Variants in HNRNPUL1 observed in about 807,000 individuals in gnomAD.
HNRNPUL1 encodes heterogeneous nuclear ribonucleoprotein U like 1.
In HNRNPUL1, 14 loss-of-function variants were observed where a neutral mutation model predicts 108.5. That is an observed-to-expected ratio of 0.13 (90% CI 0.09 to 0.20). The LOEUF (loss-of-function observed/expected upper bound fraction) is 0.20. Among genes scored for constraint, HNRNPUL1 ranks in the 10% least tolerant of loss-of-function variants. HNRNPUL1 has a pLI of 1.00. For synonymous variants in HNRNPUL1, 422 were observed against 445.2 expected, an observed-to-expected ratio of 0.95 and a Z score of 0.66; for missense variants, 804 against 1,168.3, an observed-to-expected ratio of 0.69 and a Z score of 4.55.
rs746645347 is a variant in HNRNPUL1 at position 41,281,156 on chromosome 19, C to T, written c.887-7C>T. On this transcript the variant is annotated splice_region_variant and splice_polypyrimidine_tract_variant and intron_variant, in intron 6 of 14. Coordinates refer to ENST00000392006, the MANE Select transcript of HNRNPUL1 (RefSeq NM_007040.6). ...TTTAACCTGCCTTTGCCTATTTCTT[C>T]CGTCAGGCGAAGAGCCTTTCTCCTA... The T allele has an allele frequency of 1.2e-5, 20 of 1,603,056 alleles. No individual in the cohort carries two copies. The highest frequency in any genetic ancestry group is 1.7e-4 in the Middle Eastern group (1 of 6,032).
At position 41,294,791 on chromosome 19, in the gene HNRNPUL1, G is replaced by A. The variant is rs931725700; in HGVS notation, c.1518+105G>A. 1.2e-5 allele frequency: 16 copies of A among 1,379,570 alleles called. No individual in the cohort carries two copies. In the African/African-American group the frequency reaches 2.3e-4, roughly 20 times the overall value. The allele number at this position is 1,379,570 out of a possible 1,614,324, so 85.5% of individuals were successfully genotyped here. On this transcript the variant is annotated intron_variant, in intron 10 of 14. Transcript: ENST00000392006. This position sits in a 1 kb window ranked among gnomAD's most constrained non-coding sequence, Gnocchi z 4.3. ...TCTTTTTTCCCCCGTAATGATGATG[G>A]ACTGCTGTGCTAGTCGGGGGGGTCA...
intron 1 of HNRNPUL1, among the ~76,000 whole-genome samples, chr19:41,267,668 C>T (rs887897292): frequency 9.9e-5 from 15 of 152,248 alleles, no homozygotes; most frequent in African/African-American, 3.4e-4. Context: ...TTCTGGCTCA[C>T]GGCTCCTGGC....
chr19:41,282,692 C>CTTTTTTT (rs57909999), intron 7 of HNRNPUL1, among the ~76,000 whole-genome samples: 1 of 141,442 alleles, frequency 7.1e-6, no homozygotes, highest in Non-Finnish European at 1.6e-5. Context: ...TTCTTTTTTT[C>CTTTTTTT]TTTTTTTTTT....
intron 10 of HNRNPUL1, among the ~76,000 whole-genome samples, chr19:41,300,445 ACTCCGTTTCT>A (rs2037140466): frequency 6.6e-6 from 1 of 151,674 alleles, no homozygotes; most frequent in African/African-American, 2.4e-5. Flanking sequence ...AAAACTCCTT[ACTCCGTTTCT>A]GCTGAGTTCC....
At chr19:41,283,391 G>A (rs2036021627) in intron 7 of HNRNPUL1, among the ~76,000 whole-genome samples, 1 of 151,652 alleles carries the variant, frequency 6.6e-6, no homozygotes, top group South Asian at 2.1e-4. Context: ...AGTGATTCTT[G>A]TGCCTCAGCC....
In HNRNPUL1 at chr19:41,279,130, C is replaced by T. The variant is rs372122098; in HGVS notation, c.840C>T (p.His280=). The T allele has an allele frequency of 3.7e-6, 6 of 1,613,912 alleles. 1 individual carries two copies. Among genetic ancestry groups the T allele is most frequent in the African/African-American group, 1.3e-5 (1 of 74,908 alleles). Residue 280 remains histidine (H), a synonymous_variant, in exon 6 of 15, where the codon CAC becomes CAT. Transcript: ENST00000392006. ...TTCCGTCTACAGAGCCTGACCCCCA[C>T]GTGGTCCGTATCGGCTGGTCCCTGG... The part of the protein sequence containing the change: ...KHLPSTEPDP[H]VVRIGWSLDS...
intron 7 of HNRNPUL1, among the ~76,000 whole-genome samples, chr19:41,286,864 C>G (rs994176855): frequency 8.6e-5 from 13 of 151,686 alleles, no homozygotes; most frequent in African/African-American, 3.1e-4. Flanking sequence ...ATTAAGGCGC[C>G]TGCCACCATG....
At chr19:41,288,568 TACC>T (rs2036391194) in intron 7 of HNRNPUL1, among the ~76,000 whole-genome samples, 1 of 152,192 alleles carries the variant, frequency 6.6e-6, no homozygotes, top group Non-Finnish European at 1.5e-5. Context: ...TTTATGGTAC[TACC>T]AAGAGAGCTT....
At chr19:41,295,788 A>G (rs191224608) in intron 10 of HNRNPUL1, among the ~76,000 whole-genome samples, 119 of 152,342 alleles carry the variant, frequency 7.8e-4, no homozygotes, top group African/African-American at 2.7e-3. Context: ...CTTTGTCAGA[A>G]TGGTAGTTTG....
At chr19:41,269,289 G>A (rs1402915376) in intron 2 of HNRNPUL1, among the ~76,000 whole-genome samples, 2 of 151,496 alleles carry the variant, frequency 1.3e-5, no homozygotes, top group Non-Finnish European at 2.9e-5. Context: ...AACATAGTGA[G>A]ACCCCTTCTC....
At chr19:41,287,299 C>T (rs1328705352) in intron 7 of HNRNPUL1, among the ~76,000 whole-genome samples, 4 of 152,166 alleles carry the variant, frequency 2.6e-5, no homozygotes, top group Non-Finnish European at 5.9e-5. Flanking sequence ...CAGGTGTGAG[C>T]CACCACAACT....
chr19:41,263,601 T>A (rs2034625749), upstream of HNRNPUL1, among the ~76,000 whole-genome samples: 1 of 152,218 alleles, frequency 6.6e-6, no homozygotes, highest in African/African-American at 2.4e-5. Flanking sequence ...CGGGACTCTC[T>A]CAACTCAAAA....
intron 6 of HNRNPUL1, among the ~76,000 whole-genome samples, chr19:41,279,566 G>A (rs1253018794): frequency 6.6e-6 from 1 of 152,164 alleles, no homozygotes; most frequent in Non-Finnish European, 1.5e-5. Flanking sequence ...AGGAAAAAGG[G>A]GAGCAGAGAC....
At chr19:41,265,205 A>G (rs1599755275) in intron 1 of HNRNPUL1, 2 of 1,503,672 alleles carry the variant, frequency 1.3e-6, no homozygotes, top group Non-Finnish European at 1.8e-6. Context: ...GTGCTAGCCC[A>G]GCGTGTGGGC....
At chr19:41,273,480 A>C (rs1453038636) in intron 3 of HNRNPUL1, among the ~76,000 whole-genome samples, 1 of 152,242 alleles carries the variant, frequency 6.6e-6, no homozygotes, top group African/African-American at 2.4e-5. Context: ...ATCGTTTATA[A>C]TTTAGGACAC....
intron 2 of HNRNPUL1, among the ~76,000 whole-genome samples, chr19:41,268,812 C>T (rs942758355): frequency 4.0e-5 from 6 of 151,856 alleles, no homozygotes; most frequent in African/African-American, 9.7e-5. Context: ...GAGCCGAGAT[C>T]GCGTCATTGC....
intron 7 of HNRNPUL1, among the ~76,000 whole-genome samples, chr19:41,289,922 A>C (rs2036484229): frequency 6.6e-6 from 1 of 151,976 alleles, no homozygotes; most frequent in Non-Finnish European, 1.5e-5. Flanking sequence ...CATGTTGGCC[A>C]AGATGGTCTT....
rs1208090192 is a variant in HNRNPUL1, at chr19:41,292,828, G to A, written c.1266+317G>A. The stretch of plus-strand genomic sequence containing the variant: ...GGACACTAGGCGCTTCTTGGGGAGT[G>A]CACTGTGCCACCAAGTGTTCTTTTT... On this transcript the variant is annotated intron_variant, in intron 8 of 14. Transcript: ENST00000392006. The surrounding 1 kb of genome is among the most constrained non-coding windows in gnomAD (Gnocchi z 4.1). 1.3e-5 allele frequency among the ~76,000 whole-genome samples: 2 copies of A among 152,150 alleles called. No individual in the cohort carries two copies. The highest frequency in any genetic ancestry group is 2.1e-4 in the South Asian group (1 of 4,828).
At chr19:41,276,477 A>C in intron 5 of HNRNPUL1, 179 bp downstream of exon 5, 1 of 605,598 alleles carries the variant, frequency 1.7e-6, no homozygotes, top group South Asian at 2.9e-5. Flanking sequence ...ATATCATATC[A>C]GAAAAGCAGG....
Sources: allele counts gnomAD v4.1 joint callset (sites outside exome capture counted in the v4.1 genomes callset), GRCh38; gene constraint gnomAD v4.1.1; non-coding constraint Gnocchi (gnomAD v3.1); transcripts MANE v1.5; gene names NCBI Gene and HGNC (gene_info 2026-07-23, HGNC 2026-07-21).